Variants in ROCK2 observed in about 807,000 individuals in gnomAD.
The protein encoded by ROCK2 is rho-associated protein kinase 2.
In ROCK2, 61 loss-of-function variants were observed where a neutral mutation model predicts 195.1. The observed-to-expected ratio is 0.31, with a 90% CI of 0.25 to 0.39. ROCK2 has a LOEUF of 0.39. Among genes scored for constraint, ROCK2 ranks in the 10% least tolerant of loss-of-function variants. ROCK2 has a pLI of 1.00. For missense variants in ROCK2, 1,109 were observed against 1,637.4 expected (o/e 0.68, Z 5.57); for synonymous variants, 504 against 545.5 (o/e 0.92, Z 1.06).
chr2:11,340,443 C>T lies in ROCK2; in HGVS notation c.141+3553G>A, dbSNP rs1253992133. On this transcript the variant is annotated intron_variant, in intron 1 of 32. Coordinates refer to ENST00000315872, the MANE Select transcript of ROCK2 (RefSeq NM_004850.5). Reference sequence around the variant, plus strand: ...ATCAACAGTAAGTTCCACACATCACCTTTTTTTTAAAACCTCCCTAGCTAA... The same window carrying T: ...ATCAACAGTAAGTTCCACACATCACTTTTTTTTTAAAACCTCCCTAGCTAA... Among the ~76,000 whole-genome samples the T allele has an allele frequency of 2.0e-5, 3 of 152,006 alleles. No homozygotes were observed. In the East Asian group the frequency reaches 5.8e-4, roughly 29 times the overall value.
intron 1 of ROCK2, among the ~76,000 whole-genome samples, chr2:11,338,093 C>T (rs569743497): frequency 6.6e-6 from 1 of 152,176 alleles, no homozygotes; most frequent in South Asian, 2.1e-4. Context: ...GCCTCTAATC[C>T]AACGTTTTCA....
At chr2:11,250,342 A>G (rs1665787329) in intron 3 of ROCK2, among the ~76,000 whole-genome samples, 1 of 152,210 alleles carries the variant, frequency 6.6e-6, no homozygotes, top group African/African-American at 2.4e-5. Flanking sequence ...AATACTACCA[A>G]TGATGAGGTC....
chr2:11,344,204 G>T lies in ROCK2; in HGVS notation c.-68C>A. 1 of 1,342,912 alleles carries T rather than the reference G, an allele frequency of 7.4e-7. No homozygotes were observed. Among genetic ancestry groups the T allele is most frequent in the Non-Finnish European group, 9.5e-7 (1 of 1,050,922 alleles). 83.2% of individuals were successfully genotyped at this position (1,342,912 alleles called of 1,614,324 possible). ...TCCCGCAGCCTCGGGGCCTAGCACC[G>T]CCCCCGAACCACCAGCTCCGGCCGG... On this transcript the variant is annotated 5_prime_UTR_variant, in exon 1 of 33. Transcript: ENST00000315872. The surrounding 1 kb of genome is among the most constrained non-coding windows in gnomAD (Gnocchi z 5.4).
rs536513918 is a variant in ROCK2 at position 11,281,047 on chromosome 2, G to A, written c.324+5492C>T. On this transcript the variant is annotated intron_variant, in intron 3 of 32. Transcript: ENST00000315872. ...ATTATGCGGTGTAAAAGAATTATAC[G>A]CCACAACCAAGTGGGATTTATTACA... Among the ~76,000 whole-genome samples, 5 of 151,694 alleles carry A rather than the reference G, an allele frequency of 3.3e-5. No homozygotes were observed. In the South Asian group the frequency reaches 6.2e-4, roughly 19 times the overall value.
At chr2:11,286,507 T>C (rs377028787) in intron 3 of ROCK2, 32 bp downstream of exon 3, 15 of 1,335,548 alleles carry the variant, frequency 1.1e-5, no homozygotes, top group African/African-American at 5.8e-5. Context: ...CATGATGTCA[T>C]AGAGAACAAT....
intron 1 of ROCK2, among the ~76,000 whole-genome samples, chr2:11,323,333 T>C (rs1449265381): frequency 6.6e-6 from 1 of 152,212 alleles, no homozygotes; most frequent in Non-Finnish European, 1.5e-5. Flanking sequence ...CTCTATTCTG[T>C]ATATCTGCCC....
intron 6 of ROCK2, among the ~76,000 whole-genome samples, chr2:11,226,092 A>G (rs1328983151): frequency 6.6e-6 from 1 of 152,174 alleles, no homozygotes; most frequent in Non-Finnish European, 1.5e-5. Context: ...TCTAATTCTA[A>G]AAAGTATATT....
intron 3 of ROCK2, among the ~76,000 whole-genome samples, chr2:11,270,960 A>G (rs1463980716): frequency 6.6e-6 from 1 of 152,216 alleles, no homozygotes; most frequent in African/African-American, 2.4e-5. Context: ...CTTTAGTAAT[A>G]TAAGGTGTAG....
chr2:11,277,485 A>C (rs975596124), intron 3 of ROCK2, among the ~76,000 whole-genome samples: 1 of 152,058 alleles, frequency 6.6e-6, no homozygotes, highest in African/African-American at 2.4e-5. Context: ...GCACCCCTCC[A>C]ATCATTCCCC....
chr2:11,334,618 A>G (rs1668868121), intron 1 of ROCK2, among the ~76,000 whole-genome samples: 1 of 151,378 alleles, frequency 6.6e-6, no homozygotes, highest in Non-Finnish European at 1.5e-5. Flanking sequence ...TGCATTAAAT[A>G]AAAATAAACT....
intron 3 of ROCK2, among the ~76,000 whole-genome samples, chr2:11,269,053 G>GT (rs1440957312): frequency 6.6e-6 from 1 of 151,966 alleles, no homozygotes; most frequent in Admixed American, 6.6e-5. Context: ...TCCTTTTAGT[G>GT]TTTTTTATTT....
intron 1 of ROCK2, among the ~76,000 whole-genome samples, chr2:11,299,800 T>G (rs1283590934): frequency 2.0e-5 from 3 of 152,212 alleles, no homozygotes; most frequent in Non-Finnish European, 4.4e-5. Context: ...GTAAAAATGT[T>G]CTTCTCAACA....
At chr2:11,337,153 G>C (rs1028108440) in intron 1 of ROCK2, among the ~76,000 whole-genome samples, 5 of 151,852 alleles carry the variant, frequency 3.3e-5, no homozygotes, top group African/African-American at 9.7e-5. Context: ...GCTGAGGAGG[G>C]AGAATCACTT....
chr2:11,193,879 G>T, intron 29 of ROCK2, 22 bp from the exon 30 acceptor site: 1 of 1,354,746 alleles, frequency 7.4e-7, no homozygotes, highest in Non-Finnish European at 1.0e-6. Context: ...TTTGAATAAA[G>T]GAATAAAATA....
At position 11,324,252 on chromosome 2, in the gene ROCK2, T is replaced by C. The variant is rs573125295; in HGVS notation, c.141+19744A>G. On this transcript the variant is annotated intron_variant, in intron 1 of 32. Transcript: ENST00000315872. Reference sequence around the variant, plus strand: ...GAAATCAAGACCATCCTGGCCAACATGGTGAAACCCCGTCTCCACTAAAAA... The same window carrying C: ...GAAATCAAGACCATCCTGGCCAACACGGTGAAACCCCGTCTCCACTAAAAA... Among the ~76,000 whole-genome samples the C allele has an allele frequency of 3.3e-5, 5 of 152,228 alleles. No individual in the cohort carries two copies. The East Asian group carries it at 9.7e-4, about 29-fold the overall frequency.
intron 5 of ROCK2, among the ~76,000 whole-genome samples, chr2:11,228,057 C>A (rs1444424638): frequency 6.6e-6 from 1 of 152,154 alleles, no homozygotes; most frequent in Non-Finnish European, 1.5e-5. Context: ...TAATCCCTCC[C>A]TGATGTCTTT....
At chr2:11,326,638 T>A (rs1229417731) in intron 1 of ROCK2, among the ~76,000 whole-genome samples, 1 of 152,162 alleles carries the variant, frequency 6.6e-6, no homozygotes, top group Non-Finnish European at 1.5e-5. Context: ...TCTAGGGGTA[T>A]TTTGGTTGTT....
intron 1 of ROCK2, among the ~76,000 whole-genome samples, chr2:11,292,017 A>C (rs916318515): frequency 2.6e-5 from 4 of 152,238 alleles, no homozygotes; most frequent in Non-Finnish European, 5.9e-5. Context: ...CTGACTGGTA[A>C]ATCAACCTTA....
rs117845346 is a variant in ROCK2 at position 11,310,512 on chromosome 2, G to A, written c.142-22776C>T. On this transcript the variant is annotated intron_variant, in intron 1 of 32. Transcript: ENST00000315872. ...ACTCATTGACTCGTAGATAAATTCC[G>A]AATATGAACAGCAAATAACCAGATT... Among the ~76,000 whole-genome samples, 670 of 152,178 alleles carry A rather than the reference G, an allele frequency of 4.4e-3. 16 individuals carry two copies. The highest frequency in any genetic ancestry group is 0.032 in the Admixed American group (493 of 15,280).
Sources: allele counts gnomAD v4.1 joint callset (sites outside exome capture counted in the v4.1 genomes callset), GRCh38; gene constraint gnomAD v4.1.1; non-coding constraint Gnocchi (gnomAD v3.1); transcripts MANE v1.5; gene names NCBI Gene and HGNC (gene_info 2026-07-23, HGNC 2026-07-21).